ATXN1: variants seen among roughly 807,000 people sequenced by gnomAD.
The protein encoded by ATXN1 is ataxin 1.
Under a neutral mutation model 56.4 loss-of-function variants are expected in ATXN1, and 8 were observed. That is an observed-to-expected ratio of 0.14 (90% CI 0.08 to 0.26). The LOEUF is 0.26. Among genes scored for constraint, ATXN1 ranks in the 10% least tolerant of loss-of-function variants. The pLI, the probability that ATXN1 is intolerant of heterozygous loss-of-function variation, is 1.00. For synonymous variants in ATXN1, 514 were observed against 494.6 expected (o/e 1.04, Z -0.52); for missense variants, 987 against 1,106.5 (o/e 0.89, Z 1.53).
At chr6:16,607,279 A>C (rs1000296652) in intron 3 of ATXN1, among the ~76,000 whole-genome samples, 3 of 152,200 alleles carry the variant, frequency 2.0e-5, no homozygotes, top group Non-Finnish European at 4.4e-5. Flanking sequence ...GTGAAGTGAA[A>C]GGGTTGGCGT....
chr6:16,683,440 C>A (rs554653439), intron 2 of ATXN1, among the ~76,000 whole-genome samples: 1 of 152,222 alleles, frequency 6.6e-6, no homozygotes, highest in Admixed American at 6.5e-5. Context: ...CTGTTAACTA[C>A]GCTGCAGAAA....
At chr6:16,593,349 T>C (rs1762757876) in intron 3 of ATXN1, among the ~76,000 whole-genome samples, 1 of 152,170 alleles carries the variant, frequency 6.6e-6, no homozygotes. Context: ...GGAAAGAGAA[T>C]GTTAGGAAAT....
chr6:16,553,777 A>C (rs1444837672), intron 4 of ATXN1, among the ~76,000 whole-genome samples: 1 of 152,104 alleles, frequency 6.6e-6, no homozygotes, highest in Non-Finnish European at 1.5e-5. Context: ...GACCATCCCT[A>C]CTAGGAATGT....
At chr6:16,531,136 T>C (rs563942147) in intron 4 of ATXN1, among the ~76,000 whole-genome samples, 1 of 152,280 alleles carries the variant, frequency 6.6e-6, no homozygotes, top group African/African-American at 2.4e-5. Flanking sequence ...GACCTGGAGA[T>C]AGAGGGGAAG....
At chr6:16,343,362 A>ATGTCATGATCTTAAAATAAG (rs1561859783) in intron 6 of ATXN1, among the ~76,000 whole-genome samples, 5 of 151,878 alleles carry the variant, frequency 3.3e-5, no homozygotes, top group Admixed American at 3.3e-4. Context: ...AAATAAATAA[A>ATGTCATGATCTTAAAATAAG]TATGTCATGA....
intron 3 of ATXN1, among the ~76,000 whole-genome samples, chr6:16,601,840 G>A (rs1762918246): frequency 6.6e-6 from 1 of 152,124 alleles, no homozygotes; most frequent in African/African-American, 2.4e-5. Context: ...ATGACAGAGT[G>A]AGACTTTGTC....
chr6:16,371,349 G>A (rs1362474477), intron 6 of ATXN1, among the ~76,000 whole-genome samples: 1 of 149,334 alleles, frequency 6.7e-6, no homozygotes, highest in Non-Finnish European at 1.5e-5. Context: ...AATTGAATCA[G>A]ACTGGACTTT....
intron 5 of ATXN1, among the ~76,000 whole-genome samples, chr6:16,498,903 C>T (rs867834567): frequency 6.6e-6 from 1 of 152,166 alleles, no homozygotes; most frequent in African/African-American, 2.4e-5. Context: ...AGAAACTAGA[C>T]CCTTATGAGA....
At chr6:16,645,710 C>T (rs1170027156) in intron 3 of ATXN1, among the ~76,000 whole-genome samples, 3 of 152,154 alleles carry the variant, frequency 2.0e-5, no homozygotes, top group Admixed American at 1.3e-4. Context: ...TTTAAGATTT[C>T]CTATGGGGAT....
intron 3 of ATXN1, among the ~76,000 whole-genome samples, chr6:16,637,211 CT>C: frequency 6.6e-6 from 1 of 152,194 alleles, no homozygotes; most frequent in South Asian, 2.1e-4. Context: ...ATGGATGAAG[CT>C]GGAAACCATC....
chr6:16,570,348 TC>T, intron 4 of ATXN1, among the ~76,000 whole-genome samples: 1 of 152,338 alleles, frequency 6.6e-6, no homozygotes, highest in South Asian at 2.1e-4. Context: ...GAATCACTAA[TC>T]TTACTTTGAG....
At chr6:16,730,482 A>AGTATGT (rs1554128982) in intron 2 of ATXN1, among the ~76,000 whole-genome samples, 14 of 84,960 alleles carry the variant, frequency 1.6e-4, no homozygotes, top group Non-Finnish European at 2.6e-4. Context: ...AGGGTAAAAC[A>AGTATGT]GTATGTATAT....
At chr6:16,712,976 T>C (rs1226272775) in intron 2 of ATXN1, among the ~76,000 whole-genome samples, 1 of 152,202 alleles carries the variant, frequency 6.6e-6, no homozygotes, top group Admixed American at 6.5e-5. Context: ...GAACCAGAGA[T>C]AACATTTCTC....
intron 6 of ATXN1, among the ~76,000 whole-genome samples, chr6:16,371,312 A>AT: frequency 6.9e-6 from 1 of 145,464 alleles, no homozygotes; most frequent in African/African-American, 2.6e-5. Context: ...ATGTAGTTAC[A>AT]ATTTTTTTTT....
At chr6:16,607,043 T>C (rs1033800115) in intron 3 of ATXN1, among the ~76,000 whole-genome samples, 1 of 152,106 alleles carries the variant, frequency 6.6e-6, no homozygotes, top group African/African-American at 2.4e-5. Context: ...TGCGCCAACA[T>C]GCCCAGCTAA....
chr6:16,302,159 C>T lies in ATXN1; in HGVS notation c.*4170G>A, dbSNP rs571585394. 1.3e-5 allele frequency: 2 copies of T among 152,676 alleles called. No homozygotes were observed. The highest frequency in any genetic ancestry group is 3.9e-4 in the East Asian group (2 of 5,180). 9.5% of individuals were successfully genotyped at this position (152,676 alleles called of 1,614,324 possible). On this transcript the variant is annotated 3_prime_UTR_variant, in exon 8 of 8. Coordinates refer to ENST00000436367, the MANE Select transcript of ATXN1 (RefSeq NM_001128164.2). Reference sequence around the variant, plus strand: ...CAAACATTCCTTGAAATTGTACAACCCTACTCCAGAGCAGTCAAAGTGCTG... The same window carrying T: ...CAAACATTCCTTGAAATTGTACAACTCTACTCCAGAGCAGTCAAAGTGCTG...
intron 6 of ATXN1, among the ~76,000 whole-genome samples, chr6:16,411,009 C>T (rs1758786071): frequency 6.6e-6 from 1 of 151,460 alleles, no homozygotes; most frequent in South Asian, 2.1e-4. Flanking sequence ...CCTGTAGTTT[C>T]AGCTACTTGG....
intron 4 of ATXN1, among the ~76,000 whole-genome samples, chr6:16,535,319 C>T (rs776649914): frequency 6.6e-6 from 1 of 152,144 alleles, no homozygotes; most frequent in Non-Finnish European, 1.5e-5. Context: ...GATTCTAGTA[C>T]TGTGACAGGG....
chr6:16,757,598 T>A (rs1232260105), intron 1 of ATXN1, among the ~76,000 whole-genome samples: 2 of 152,202 alleles, frequency 1.3e-5, no homozygotes, highest in African/African-American at 4.8e-5. Flanking sequence ...CCCCTGGGAA[T>A]AGAGTTGAGT....
Sources: gnomAD v4.1 joint callset for allele counts (sites outside exome capture counted in the v4.1 genomes callset) on GRCh38, gnomAD v4.1.1 for gene constraint, MANE v1.5 for transcripts, NCBI Gene and HGNC (gene_info 2026-07-23, HGNC 2026-07-21) for gene names.